Variants in CLSTN2 observed in about 807,000 individuals in gnomAD.
CLSTN2 encodes calsyntenin 2, also known as calsyntenin-2.
A neutral mutation model predicts 101.2 loss-of-function variants in CLSTN2; 48 were observed. That is an observed-to-expected ratio of 0.47 (90% CI 0.38 to 0.60). CLSTN2 has a LOEUF of 0.60. Ranked by LOEUF, CLSTN2 falls within the 20% of genes least tolerant of loss-of-function variation. CLSTN2 has a pLI of 0.00. For synonymous variants in CLSTN2, 481 were observed against 463.6 expected, an observed-to-expected ratio of 1.04 and a Z score of -0.48; for missense variants, 1,160 against 1,238.2, an observed-to-expected ratio of 0.94 and a Z score of 0.95.
chr3:140,379,680 A>G (rs1481680503), intron 2 of CLSTN2, among the ~76,000 whole-genome samples: 6 of 152,198 alleles, frequency 3.9e-5, no homozygotes, highest in East Asian at 1.9e-4. Context: ...GGAATTCATC[A>G]TCATTTTGTC....
chr3:140,172,371 G>A (rs977583728), intron 1 of CLSTN2, among the ~76,000 whole-genome samples: 1 of 152,090 alleles, frequency 6.6e-6, no homozygotes, highest in African/African-American at 2.4e-5. Context: ...CCAGTCAGGA[G>A]ACCCCTGCTG....
intron 1 of CLSTN2, among the ~76,000 whole-genome samples, chr3:140,161,444 T>G (rs2010044588): frequency 6.6e-6 from 1 of 152,166 alleles, no homozygotes; most frequent in South Asian, 2.1e-4. Flanking sequence ...CTCAAGTTCA[T>G]ACAAGAAAAG....
chr3:140,192,790 A>G (rs2010587647), intron 2 of CLSTN2, among the ~76,000 whole-genome samples: 1 of 151,576 alleles, frequency 6.6e-6, no homozygotes, highest in South Asian at 2.1e-4. Flanking sequence ...TAGATCATTT[A>G]TATTTATATG....
intron 2 of CLSTN2, among the ~76,000 whole-genome samples, chr3:140,361,891 T>C (rs918939630): frequency 1.3e-5 from 2 of 152,186 alleles, no homozygotes; most frequent in African/African-American, 2.4e-5. Flanking sequence ...ATTATTATAA[T>C]GGCAGTTCTC....
At chr3:140,452,587 C>T (rs1933278193) in intron 6 of CLSTN2, 1 of 152,244 alleles carries the variant, frequency 6.6e-6, no homozygotes, top group African/African-American at 2.4e-5. Flanking sequence ...CAGTCTAGAC[C>T]CCATTAGGAG....
chr3:140,525,994 C>T (rs1340863382), intron 8 of CLSTN2, among the ~76,000 whole-genome samples: 6 of 152,060 alleles, frequency 3.9e-5, no homozygotes. Context: ...CCAAGAGGAA[C>T]CTTTCCCCTT....
At chr3:139,995,818 A>C (rs1336121603) in intron 1 of CLSTN2, among the ~76,000 whole-genome samples, 1 of 152,224 alleles carries the variant, frequency 6.6e-6, no homozygotes, top group South Asian at 2.1e-4. Flanking sequence ...CAGGAACTTT[A>C]ATAGATGGAA....
intron 2 of CLSTN2, among the ~76,000 whole-genome samples, chr3:140,294,409 C>G (rs6439915): frequency 0.015 from 2,311 of 152,284 alleles, 55 homozygotes; most frequent in African/African-American, 0.052. Context: ...GTCTTTTTTA[C>G]TGGAGGCCCC....
intron 4 of CLSTN2, among the ~76,000 whole-genome samples, chr3:140,417,864 C>G (rs2088447987): frequency 6.6e-6 from 1 of 152,218 alleles, no homozygotes. Context: ...GCTAATGCTT[C>G]AAATTCTGTG....
rs1553755191 is a variant in CLSTN2, at chr3:140,575,774, T to G, written c.*9521T>G. 6.6e-6 allele frequency: 1 copy of G among 152,014 alleles called. No individual in the cohort carries two copies. The highest frequency in any genetic ancestry group is 1.5e-5 in the Non-Finnish European group (1 of 68,020). 9.4% of individuals were successfully genotyped at this position (152,014 alleles called of 1,614,324 possible). Reference sequence around the variant, plus strand: ...CAAAATATAAATTATCAGAGATGAGTAGGCTATGGACAGCTGATTATATAT... The same window carrying G: ...CAAAATATAAATTATCAGAGATGAGGAGGCTATGGACAGCTGATTATATAT... On this transcript the variant is annotated 3_prime_UTR_variant, in exon 17 of 17. Coordinates refer to ENST00000458420, the MANE Select transcript of CLSTN2 (RefSeq NM_022131.3).
At chr3:140,075,251 T>C (rs2008467789) in intron 1 of CLSTN2, among the ~76,000 whole-genome samples, 1 of 152,196 alleles carries the variant, frequency 6.6e-6, no homozygotes, top group Admixed American at 6.5e-5. Context: ...CTTTTCTCTT[T>C]TTCTAGTTTA....
intron 1 of CLSTN2, among the ~76,000 whole-genome samples, chr3:139,998,959 T>C (rs569702469): frequency 8.4e-4 from 128 of 152,064 alleles, no homozygotes; most frequent in African/African-American, 2.8e-3. Context: ...AGCAGGAGCT[T>C]CAGACTCAGC....
intron 5 of CLSTN2, among the ~76,000 whole-genome samples, chr3:140,435,451 C>T (rs571434813): frequency 1.3e-5 from 2 of 152,278 alleles, no homozygotes; most frequent in South Asian, 4.1e-4. Flanking sequence ...ACCACATTTG[C>T]TGTATCCATT....
chr3:140,336,105 G>T (rs2087437440), intron 2 of CLSTN2, among the ~76,000 whole-genome samples: 1 of 152,304 alleles, frequency 6.6e-6, no homozygotes, highest in South Asian at 2.1e-4. Flanking sequence ...TAAATCTGTT[G>T]TCAATTGGCA....
At chr3:140,263,594 T>A (rs2086671664) in intron 2 of CLSTN2, among the ~76,000 whole-genome samples, 1 of 152,186 alleles carries the variant, frequency 6.6e-6, no homozygotes, top group Admixed American at 6.5e-5. Flanking sequence ...ATATGCATAG[T>A]ACCAAATATT....
At chr3:140,270,760 C>T (rs2086735696) in intron 2 of CLSTN2, among the ~76,000 whole-genome samples, 1 of 152,138 alleles carries the variant, frequency 6.6e-6, no homozygotes, top group African/African-American at 2.4e-5. Flanking sequence ...TTCCTCACAC[C>T]CACAGAAGTA....
chr3:139,958,187 A>G (rs1447009143), intron 1 of CLSTN2, among the ~76,000 whole-genome samples: 2 of 152,134 alleles, frequency 1.3e-5, no homozygotes, highest in Admixed American at 1.3e-4. Flanking sequence ...TGGCCTGGAT[A>G]CATTGTTGCC....
intron 4 of CLSTN2, among the ~76,000 whole-genome samples, chr3:140,418,425 T>A (rs55780158): frequency 0.28 from 42,328 of 151,838 alleles, 8,458 homozygotes; most frequent in African/African-American, 0.57. Context: ...ATTCTATCTC[T>A]AATTGGTGGA....
intron 8 of CLSTN2, among the ~76,000 whole-genome samples, chr3:140,513,978 TTCTC>T (rs915837195): frequency 6.6e-6 from 1 of 152,160 alleles, no homozygotes; most frequent in Non-Finnish European, 1.5e-5. Flanking sequence ...TATTTGATTC[TTCTC>T]TCTTTTATTC....
Sources: gnomAD v4.1 joint callset for allele counts (sites outside exome capture counted in the v4.1 genomes callset) on GRCh38, gnomAD v4.1.1 for gene constraint, MANE v1.5 for transcripts, NCBI Gene and HGNC (gene_info 2026-07-23, HGNC 2026-07-21) for gene names.